Variants in NDRG2 observed in about 807,000 individuals in gnomAD.
NDRG2 encodes the protein NDRG family member 2, also known as protein NDRG2.
In NDRG2, 34 loss-of-function variants were observed where a neutral mutation model predicts 58.2. The observed-to-expected ratio is 0.58, with a 90% CI of 0.44 to 0.78. The LOEUF (loss-of-function observed/expected upper bound fraction) is 0.78. Among genes scored for constraint, NDRG2 ranks in the 30% least tolerant of loss-of-function variants. The pLI is 0.00. For missense variants in NDRG2, 434 were observed against 471.2 expected (o/e 0.92, Z 0.73); for synonymous variants, 187 against 175.9 (o/e 1.06, Z -0.50).
rs1393697332 is a variant in NDRG2, at chr14:21,022,277, C to G, written c.224-95G>C. On this transcript the variant is annotated intron_variant, in intron 4 of 15. Transcript: ENST00000556147. ...CCTTCCTTTCATGCCACAGTCAGAC[C>G]AGGAGAGAACTTCTCCTTCCCACAC... 5.0e-6 allele frequency: 8 copies of G among 1,593,812 alleles called. No individual in the cohort carries two copies. In the East Asian group the frequency reaches 1.6e-4, roughly 31 times the overall value.
rs1185436371 is a variant in NDRG2 at position 21,022,424 on chromosome 14, G to A, written c.191C>T (p.Ala64Val). The A allele has an allele frequency of 1.9e-6, 3 of 1,614,000 alleles. No individual in the cohort carries two copies. Among genetic ancestry groups the A allele is most frequent in the Admixed American group, 1.7e-5 (1 of 60,028 alleles). Residue 64 changes from alanine (A) to valine (V), a missense_variant, in exon 4 of 16, where the codon GCG (alanine) becomes GTG (valine). Ala to Val is a moderately conservative substitution (Grantham distance 64). Transcript: ENST00000556147. ...TCCCACATCGTGGTAGGTAAGGATCGCTGGGCGTTTGGGTTTGGGGGTGCC... is the reference window on the plus strand; with the variant it reads ...TCCCACATCGTGGTAGGTAAGGATCACTGGGCGTTTGGGTTTGGGGGTGCC... Reference protein sequence around the residue: ...VYGTPKPKRPAILTYHDVGLN... With the variant: ...VYGTPKPKRPVILTYHDVGLN...
rs116165621 is a variant in NDRG2 at position 21,033,684 on chromosome 14, G to A, written c.25-10363C>T. 1,535 of 689,356 alleles carry A rather than the reference G, an allele frequency of 2.2e-3. 19 individuals are homozygous for A. The African/African-American group carries it at 0.025, about 11-fold the overall frequency. 42.7% of individuals were successfully genotyped at this position (689,356 alleles called of 1,614,324 possible). On this transcript the variant is annotated intron_variant, in intron 1 of 14. Coordinates refer to the NDRG2 transcript ENST00000403829. ...GGTGATCAAAGCCCTGGACATTTTCGCACCCACCTGGTCTCTTGGGAGGGG... is the reference window on the plus strand; with the variant it reads ...GGTGATCAAAGCCCTGGACATTTTCACACCCACCTGGTCTCTTGGGAGGGG...
At chr14:21,051,137 G>A (rs1393808087) in intron 1 of NDRG2, among the ~76,000 whole-genome samples, 2 of 152,160 alleles carry the variant, frequency 1.3e-5, no homozygotes, top group South Asian at 2.1e-4. Flanking sequence ...TGTTCCACCT[G>A]GGGTAGCAGT....
chr14:21,062,948 T>TAAAAA (rs36072613), intron 1 of NDRG2, among the ~76,000 whole-genome samples: 1 of 128,148 alleles, frequency 7.8e-6, no homozygotes, highest in African/African-American at 3.0e-5. Context: ...ACCTTGTCTC[T>TAAAAA]AAAAAAAAAA....
chr14:21,030,761 A>G, upstream of NDRG2: 1 of 1,613,026 alleles, frequency 6.2e-7, no homozygotes. Flanking sequence ...TCAAGTGAGG[A>G]GCCAAAAATA....
chr14:21,021,819 T>G lies in NDRG2; in HGVS notation c.405A>C (p.Leu135=). 6.2e-7 allele frequency: 1 copy of G among 1,612,476 alleles called. No homozygotes were observed. Among genetic ancestry groups the G allele is most frequent in the Non-Finnish European group, 8.5e-7 (1 of 1,179,244 alleles). The change falls in exon 6 of 16, where the codon CTA becomes CTC. Residue 135 remains leucine, a splice_region_variant and synonymous_variant. Coordinates refer to ENST00000556147, the MANE Select transcript of NDRG2 (RefSeq NM_001320329.2). ...ADMIPCVLQY[L]NFSTIIGVGV... ...GGAGGGGTTCCCAGGCCTCTCACTT[T>G]AGGTACTGCAGGACGCAAGGGATCA... is the stretch of plus-strand genomic sequence containing the variant.
chr14:21,034,739 G>C (rs17277697), intron 1 of NDRG2: 7,260 of 163,454 alleles, frequency 0.044, 227 homozygotes, highest in Non-Finnish European at 0.069. Context: ...CCAAGGCCAA[G>C]ACAGTCAAGA....
At position 21,018,210 on chromosome 14, in the gene NDRG2, C is replaced by A. The variant is rs2138828948; in HGVS notation, c.891G>T (p.Leu297=). 6.2e-7 allele frequency: 1 copy of A among 1,613,862 alleles called. No homozygotes were observed. The highest frequency in any genetic ancestry group is 1.1e-5 in the South Asian group (1 of 91,072). ...GGACGGCAGCGGCACTCACCTGAGT[C>A]AGCTGGGGCTGACCTCCGGAGTCAG... ...KMADSGGQPQ[L]TQPGKLTEAF... The change falls in exon 14 of 16, where the codon CTG becomes CTT. Residue 297 remains leucine, a synonymous_variant. Coordinates refer to ENST00000556147, the MANE Select transcript of NDRG2 (RefSeq NM_001320329.2).
chr14:21,026,094 C>T (rs1008090237), upstream of NDRG2, among the ~76,000 whole-genome samples: 1 of 152,036 alleles, frequency 6.6e-6, no homozygotes, highest in Non-Finnish European at 1.5e-5. Context: ...GGGTCTGCCG[C>T]GTCCCTCTCG....
At position 21,070,250 on chromosome 14, in the gene NDRG2, C is replaced by T. The variant is rs1886586473; in HGVS notation, c.24+578G>A. The T allele has an allele frequency of 1.2e-6, 1 of 862,430 alleles. No homozygotes were observed. Among genetic ancestry groups the T allele is most frequent in the Non-Finnish European group, 1.5e-6 (1 of 668,784 alleles). 53.4% of individuals were successfully genotyped at this position (862,430 alleles called of 1,614,324 possible). On this transcript the variant is annotated intron_variant, in intron 1 of 14. Transcript: ENST00000403829. This position sits in a 1 kb window ranked among gnomAD's most constrained non-coding sequence, Gnocchi z 4.7. The stretch of plus-strand genomic sequence containing the variant: ...GGCCCTCCCTGGCGGGGCCCCGCGG[C>T]CTGGAAGCCGGAGCGGGCCGAGCCG...
chr14:21,027,795 A>G (rs961313545), upstream of NDRG2, among the ~76,000 whole-genome samples: 4 of 152,226 alleles, frequency 2.6e-5, no homozygotes, highest in African/African-American at 4.8e-5. Flanking sequence ...TTATCTTACT[A>G]TAATTCAGAG....
intron 1 of NDRG2, among the ~76,000 whole-genome samples, chr14:21,039,985 G>C (rs893310944): frequency 2.6e-5 from 4 of 152,190 alleles, no homozygotes; most frequent in Admixed American, 2.0e-4. Context: ...ATTCAAATGA[G>C]CTTGCAGCCT....
chr14:21,049,871 G>C (rs1304551801), intron 1 of NDRG2, among the ~76,000 whole-genome samples: 1 of 151,586 alleles, frequency 6.6e-6, no homozygotes, highest in Non-Finnish European at 1.5e-5. Context: ...TGGCCTCCCA[G>C]GTTCAAGCGA....
At chr14:21,066,274 C>T (rs374681232) in intron 1 of NDRG2, among the ~76,000 whole-genome samples, 223 of 150,412 alleles carry the variant, frequency 1.5e-3, no homozygotes, top group African/African-American at 5.1e-3. Flanking sequence ...AGCCATTAGA[C>T]GGGGTTGATG....
intron 1 of NDRG2, among the ~76,000 whole-genome samples, chr14:21,049,349 C>T (rs1203467917): frequency 1.3e-5 from 2 of 152,164 alleles, no homozygotes; most frequent in Non-Finnish European, 2.9e-5. Context: ...GACTCATGTC[C>T]AGTGGATTGG....
chr14:21,049,873 T>A (rs1377111730), intron 1 of NDRG2, among the ~76,000 whole-genome samples: 1 of 151,682 alleles, frequency 6.6e-6, no homozygotes, highest in Admixed American at 6.6e-5. Context: ...GCCTCCCAGG[T>A]TCAAGCGATT....
intron 1 of NDRG2, chr14:21,048,451 T>A (rs996066691): frequency 6.6e-6 from 1 of 151,492 alleles, no homozygotes; most frequent in Non-Finnish European, 1.5e-5. Flanking sequence ...GAGGTGGGAG[T>A]TTCCCCATCT....
At chr14:21,049,745 T>C (rs1032516899) in intron 1 of NDRG2, among the ~76,000 whole-genome samples, 17 of 151,876 alleles carry the variant, frequency 1.1e-4, no homozygotes, top group Admixed American at 6.6e-5. Flanking sequence ...CAATATCAAA[T>C]GGATCTCAGA....
chr14:21,068,929 C>CT (rs1886450301), intron 1 of NDRG2, among the ~76,000 whole-genome samples: 1 of 152,250 alleles, frequency 6.6e-6, no homozygotes, highest in Non-Finnish European at 1.5e-5. Flanking sequence ...CTTGGCGGCA[C>CT]CCCCGCCTCC....
Sources: gnomAD v4.1 joint callset for allele counts (sites outside exome capture counted in the v4.1 genomes callset) on GRCh38, gnomAD v4.1.1 for gene constraint, Gnocchi (gnomAD v3.1) non-coding constraint, MANE v1.5 for transcripts, NCBI Gene and HGNC (gene_info 2026-07-23, HGNC 2026-07-21) for gene names.